CCDC71L: variants seen among roughly 807,000 people sequenced by gnomAD.
CCDC71L encodes the protein coiled-coil domain-containing protein 71L.
CCDC71L carries 6 observed loss-of-function variants against 10.2 expected under a neutral mutation model. That is an observed-to-expected ratio of 0.59 (90% CI 0.32 to 1.16). The LOEUF (loss-of-function observed/expected upper bound fraction) is 1.16. CCDC71L is among the 50% of genes most tolerant of loss of function. CCDC71L has a pLI of 0.05. For synonymous variants in CCDC71L, 204 were observed against 175.5 expected (o/e 1.16, Z -1.28); for missense variants, 366 against 383.4 (o/e 0.95, Z 0.38).
rs777033550 is a variant in CCDC71L, at chr7:106,660,565, G to A, written c.332C>T (p.Pro111Leu). 3 of 1,535,296 alleles carry A rather than the reference G, an allele frequency of 2.0e-6. No individual in the cohort carries two copies. Among genetic ancestry groups the A allele is most frequent in the African/African-American group, 1.4e-5 (1 of 70,662 alleles). ...GCCGCGGGCTGTAGGGGGCCCCGGG[G>A]GGTCGGGTACCAGGGCCCGGCAGGA... is the stretch of plus-strand genomic sequence containing the variant. ...YSSCRALVPDPPGPPTARGQA... is the reference protein window; with the variant it reads ...YSSCRALVPDLPGPPTARGQA... Residue 111 changes from proline (P) to leucine (L), a missense_variant, in exon 1 of 1, where the codon CCC becomes CTC. Pro to Leu is a moderately conservative substitution (Grantham distance 98). Transcript: ENST00000523505. This position sits in a 1 kb window ranked among gnomAD's most constrained non-coding sequence, Gnocchi z 7.5.
Position 106,656,232 on chromosome 7 carries a change from G to A in CCDC71L, c.*3957C>T, listed in dbSNP as rs1792487798. Among the ~76,000 whole-genome samples the A allele has an allele frequency of 6.6e-6, 1 of 152,136 alleles. No individual in the cohort carries two copies. The highest frequency in any genetic ancestry group is 2.1e-4 in the South Asian group (1 of 4,826). ...GCTTCCTCCAACTAATAGGAACTTA[G>A]GTACAAAGACAAATTCAGCCCACAC... On this transcript the variant is annotated 3_prime_UTR_variant, in exon 1 of 1. Coordinates refer to ENST00000523505, the MANE Select transcript of CCDC71L (RefSeq NM_175884.6).
At position 106,657,172 on chromosome 7, in the gene CCDC71L, T is replaced by G. The variant is rs1367523783; in HGVS notation, c.*3017A>C. The G allele has an allele frequency of 6.6e-6, 1 of 152,196 alleles. No homozygotes were observed. Among genetic ancestry groups the G allele is most frequent in the Non-Finnish European group, 1.5e-5 (1 of 68,036 alleles). 9.4% of individuals were successfully genotyped at this position (152,196 alleles called of 1,614,324 possible). ...ACACTTGTCAATATTCAAACTTGAA[T>G]AAAATAAACACACATCACAACAGCG... On this transcript the variant is annotated 3_prime_UTR_variant, in exon 1 of 1. Transcript: ENST00000523505.
rs994309328 is a variant in CCDC71L, at chr7:106,660,117, C to T, written c.*72G>A. ...CGGATCTGTAAACACTCGACTGACA[C>T]TTGTTCATTCCTCCGGGCGGAAGGC... On this transcript the variant is annotated 3_prime_UTR_variant, in exon 1 of 1. Transcript: ENST00000523505. The surrounding 1 kb of genome is among the most constrained non-coding windows in gnomAD (Gnocchi z 7.5). 1 of 1,430,862 alleles carries T rather than the reference C, an allele frequency of 7.0e-7. No homozygotes were observed. Among genetic ancestry groups the T allele is most frequent in the Non-Finnish European group, 9.1e-7 (1 of 1,100,716 alleles). The allele number at this position is 1,430,862 out of a possible 1,614,324, so 88.6% of individuals were successfully genotyped here.
chr7:106,658,640 C>T lies in CCDC71L; in HGVS notation c.*1549G>A, dbSNP rs537906338. 6.5e-6 allele frequency: 1 copy of T among 152,720 alleles called. No homozygotes were observed. The highest frequency in any genetic ancestry group is 1.9e-4 in the East Asian group (1 of 5,186). The allele number at this position is 152,720 out of a possible 1,614,324, so 9.5% of individuals were successfully genotyped here. A position where few individuals can be genotyped will look rare whatever the true frequency, so the allele number is the denominator to read the frequency against. Reference sequence around the variant, plus strand: ...ATTTGAAATAATAGTGGTACAAAAACACTACTTGACCCTTTAGGTATTGCA... The same window carrying T: ...ATTTGAAATAATAGTGGTACAAAAATACTACTTGACCCTTTAGGTATTGCA... On this transcript the variant is annotated 3_prime_UTR_variant, in exon 1 of 1. Coordinates refer to ENST00000523505, the MANE Select transcript of CCDC71L (RefSeq NM_175884.6).
rs1036956286 is a variant in CCDC71L, at chr7:106,659,110, CTGTT to C, written c.*1075_*1078del. The C allele has an allele frequency of 7.9e-5, 12 of 152,112 alleles. No homozygotes were observed. Among genetic ancestry groups the C allele is most frequent in the African/African-American group, 2.2e-4 (9 of 41,392 alleles). The allele number at this position is 152,112 out of a possible 1,614,324, so 9.4% of individuals were successfully genotyped here. On this transcript the variant is annotated 3_prime_UTR_variant, in exon 1 of 1. Coordinates refer to ENST00000523505, the MANE Select transcript of CCDC71L (RefSeq NM_175884.6). ...AGTTCTAAGAATTCTAATGGGTATT[CTGTT>C]TATCATTTTAGTGATAATGTTTACA...
At position 106,660,963 on chromosome 7, in the gene CCDC71L, T is replaced by C. The variant is rs1200474652; in HGVS notation, c.-67A>G. 2 of 1,295,774 alleles carry C rather than the reference T, an allele frequency of 1.5e-6. No homozygotes were observed. Among genetic ancestry groups the C allele is most frequent in the Non-Finnish European group, 2.0e-6 (2 of 1,023,864 alleles). The allele number at this position is 1,295,774 out of a possible 1,614,324, so 80.3% of individuals were successfully genotyped here. A position where few individuals can be genotyped will look rare whatever the true frequency, so the allele number is the denominator to read the frequency against. On this transcript the variant is annotated 5_prime_UTR_variant, in exon 1 of 1. Coordinates refer to ENST00000523505, the MANE Select transcript of CCDC71L (RefSeq NM_175884.6). The surrounding 1 kb of genome is among the most constrained non-coding windows in gnomAD (Gnocchi z 7.5). ...ACTGCCGCCGCCGTCCCAGTCCGCG[T>C]TGGCTCCGCGGCGGCGGCTGCTGCT...
chr7:106,661,041 G>A lies in CCDC71L; in HGVS notation c.-145C>T. ...CGCCGCCGCCCCTCCCCCTCCGAGGGCGGAGGACGCGGGCGAATATCCTGC... is the reference window on the plus strand; with the variant it reads ...CGCCGCCGCCCCTCCCCCTCCGAGGACGGAGGACGCGGGCGAATATCCTGC... On this transcript the variant is annotated 5_prime_UTR_variant, in exon 1 of 1. Coordinates refer to ENST00000523505, the MANE Select transcript of CCDC71L (RefSeq NM_175884.6). 2 of 1,180,946 alleles carry A rather than the reference G, an allele frequency of 1.7e-6. No individual in the cohort carries two copies. Among genetic ancestry groups the A allele is most frequent in the Non-Finnish European group, 2.2e-6 (2 of 919,312 alleles). The allele number at this position is 1,180,946 out of a possible 1,614,324, so 73.2% of individuals were successfully genotyped here. A position where few individuals can be genotyped will look rare whatever the true frequency, so the allele number is the denominator to read the frequency against.
At position 106,660,223 on chromosome 7, in the gene CCDC71L, A is replaced by G; in HGVS notation, c.674T>C (p.Val225Ala). The change falls in exon 1 of 1, where the codon GTG becomes GCG. Residue 225 changes from valine (V) to alanine (A), a missense_variant. By Grantham distance (64) the Val-to-Ala change is moderately conservative (BLOSUM62 0). Coordinates refer to ENST00000523505, the MANE Select transcript of CCDC71L (RefSeq NM_175884.6). This position sits in a 1 kb window ranked among gnomAD's most constrained non-coding sequence, Gnocchi z 7.5. The part of the protein sequence containing the change: ...QVLRVNLEPM[V>A]RLRRFPVPRA Reference sequence around the variant, plus strand: ...GGGCACCGGGAAGCGGCGGAGCCTCACCATGGGTTCCAGGTTCACTCGCAG... The same window carrying G: ...GGGCACCGGGAAGCGGCGGAGCCTCGCCATGGGTTCCAGGTTCACTCGCAG... The G allele has an allele frequency of 6.3e-7, 1 of 1,576,886 alleles. No homozygotes were observed. Among genetic ancestry groups the G allele is most frequent in the Non-Finnish European group, 8.5e-7 (1 of 1,171,408 alleles).
rs927450545 is a variant in CCDC71L, at chr7:106,657,055, A to G, written c.*3134T>C. ...AAATTGCTCAGATATTTTGTATTCA[A>G]ATATTTTTAAAATTTACTTAAGAGT... On this transcript the variant is annotated 3_prime_UTR_variant, in exon 1 of 1. Transcript: ENST00000523505. 2 of 152,206 alleles carry G rather than the reference A, an allele frequency of 1.3e-5. No homozygotes were observed. The highest frequency in any genetic ancestry group is 2.4e-5 in the African/African-American group (1 of 41,446). 9.4% of individuals were successfully genotyped at this position (152,206 alleles called of 1,614,324 possible).
In CCDC71L at chr7:106,654,868, T is replaced by C. The variant is rs1792465726; in HGVS notation, c.*5321A>G. On this transcript the variant is annotated 3_prime_UTR_variant, in exon 1 of 1. Coordinates refer to ENST00000523505, the MANE Select transcript of CCDC71L (RefSeq NM_175884.6). Reference sequence around the variant, plus strand: ...AACCCTAAGCCACACTCTTTTTTTTTCTGTACTCTTTAAAGAATATGTACT... The same window carrying C: ...AACCCTAAGCCACACTCTTTTTTTTCCTGTACTCTTTAAAGAATATGTACT... Among the ~76,000 whole-genome samples the C allele has an allele frequency of 6.6e-6, 1 of 152,152 alleles. No homozygotes were observed. Among genetic ancestry groups the C allele is most frequent in the South Asian group, 2.1e-4 (1 of 4,828 alleles).
Position 106,660,832 on chromosome 7 carries a change from C to A in CCDC71L, c.65G>T (p.Gly22Val). The change falls in exon 1 of 1, where the codon GGC (glycine) becomes GTC (valine). Residue 22 changes from glycine (G) to valine (V), a missense_variant. Coordinates refer to ENST00000523505, the MANE Select transcript of CCDC71L (RefSeq NM_175884.6). This position sits in a 1 kb window ranked among gnomAD's most constrained non-coding sequence, Gnocchi z 7.5. ...CCCGTCTTCTGCCCTAAAGTCGCCG[C>A]CCCGGGCGGCCGTGGCCGGGGCGAC... Reference protein sequence around the residue: ...RPVAPATAARGGDFRAEDGAG... With the variant: ...RPVAPATAARVGDFRAEDGAG... 6.5e-7 allele frequency: 1 copy of A among 1,527,758 alleles called. No individual in the cohort carries two copies. The highest frequency in any genetic ancestry group is 8.8e-7 in the Non-Finnish European group (1 of 1,138,098). The allele number at this position is 1,527,758 out of a possible 1,614,324, so 94.6% of individuals were successfully genotyped here.
rs1792460560 is a variant in CCDC71L, at chr7:106,654,514, A to C, written c.*5675T>G. On this transcript the variant is annotated 3_prime_UTR_variant, in exon 1 of 1. Coordinates refer to ENST00000523505, the MANE Select transcript of CCDC71L (RefSeq NM_175884.6). ...AATGATCTACAATAATAGTACACAC[A>C]ACAATATAAATGAATCTCACAAACA... is the stretch of plus-strand genomic sequence containing the variant. 6.6e-6 allele frequency among the ~76,000 whole-genome samples: 1 copy of C among 152,202 alleles called. No homozygotes were observed.
In CCDC71L at chr7:106,660,094, G is replaced by A. The variant is rs1337319213; in HGVS notation, c.*95C>T. ...GCATTGGGGGCCGGGGTCCTGGCCG[G>A]ATCTGTAAACACTCGACTGACACTT... On this transcript the variant is annotated 3_prime_UTR_variant, in exon 1 of 1. Coordinates refer to ENST00000523505, the MANE Select transcript of CCDC71L (RefSeq NM_175884.6). This position sits in a 1 kb window ranked among gnomAD's most constrained non-coding sequence, Gnocchi z 7.5. 4 of 1,376,526 alleles carry A rather than the reference G, an allele frequency of 2.9e-6. No homozygotes were observed. Among genetic ancestry groups the A allele is most frequent in the Admixed American group, 3.3e-5 (1 of 30,310 alleles). 85.3% of individuals were successfully genotyped at this position (1,376,526 alleles called of 1,614,324 possible).
Position 106,660,472 on chromosome 7 carries a change from G to A in CCDC71L, c.425C>T (p.Ala142Val), listed in dbSNP as rs1318766847. The A allele has an allele frequency of 2.5e-6, 3 of 1,224,428 alleles. No individual in the cohort carries two copies. The East Asian group carries it at 9.9e-5, about 40-fold the overall frequency. The allele number at this position is 1,224,428 out of a possible 1,614,324, so 75.8% of individuals were successfully genotyped here. A position where few individuals can be genotyped will look rare whatever the true frequency, so the allele number is the denominator to read the frequency against. ...TGGCGGCCGGGGCTTCCTCCTGCGG[G>A]CAGCGGCCGCCCGGGCTCCGCGGCG... ...RRRRGARAAA[A>V]RRRKPRPPPP... The change falls in exon 1 of 1, where the codon GCC becomes GTC. Residue 142 changes from alanine to valine, a missense_variant. Physicochemically the swap from Ala to Val is moderately conservative, Grantham distance 64. Transcript: ENST00000523505. This position sits in a 1 kb window ranked among gnomAD's most constrained non-coding sequence, Gnocchi z 7.5.
At position 106,660,970 on chromosome 7, in the gene CCDC71L, C is replaced by CGCG. The variant is rs1052237789; in HGVS notation, c.-77_-75dup. The CGCG allele has an allele frequency of 3.1e-5, 40 of 1,295,266 alleles. No homozygotes were observed. The highest frequency in any genetic ancestry group is 6.4e-5 in the East Asian group (2 of 31,414). The allele number at this position is 1,295,266 out of a possible 1,614,324, so 80.2% of individuals were successfully genotyped here. ...CCGCCGTCCCAGTCCGCGTTGGCTC[C>CGCG]GCGGCGGCGGCTGCTGCTGGCGTCT... On this transcript the variant is annotated 5_prime_UTR_variant, in exon 1 of 1. Transcript: ENST00000523505. This position sits in a 1 kb window ranked among gnomAD's most constrained non-coding sequence, Gnocchi z 7.5.
In CCDC71L at chr7:106,660,535, G is replaced by T. The variant is rs752632992; in HGVS notation, c.362C>A (p.Ala121Glu). The T allele has an allele frequency of 6.2e-6, 9 of 1,456,530 alleles. No individual in the cohort carries two copies. Among genetic ancestry groups the T allele is most frequent in the African/African-American group, 1.5e-5 (1 of 67,294 alleles). The allele number at this position is 1,456,530 out of a possible 1,614,324, so 90.2% of individuals were successfully genotyped here. The part of the protein sequence containing the change: ...PPGPPTARGQ[A>E]RRPVPRAAAR... ...CGCTGCGCGCGGAACCGGCCGGCGCGCCTGGCCGCGGGCTGTAGGGGGCCC... is the reference window on the plus strand; with the variant it reads ...CGCTGCGCGCGGAACCGGCCGGCGCTCCTGGCCGCGGGCTGTAGGGGGCCC... Residue 121 changes from alanine (A) to glutamate (E), a missense_variant, in exon 1 of 1, where the codon GCG becomes GAG. Physicochemically the swap from Ala to Glu is moderately radical, Grantham distance 107 (BLOSUM62 -1). Transcript: ENST00000523505. This position sits in a 1 kb window ranked among gnomAD's most constrained non-coding sequence, Gnocchi z 7.5.
chr7:106,655,064 GTTT>G lies in CCDC71L; in HGVS notation c.*5122_*5124del, dbSNP rs1202175482. Among the ~76,000 whole-genome samples, 1 of 151,996 alleles carries G rather than the reference GTTT, an allele frequency of 6.6e-6. No homozygotes were observed. The highest frequency in any genetic ancestry group is 1.5e-5 in the Non-Finnish European group (1 of 67,938). ...TTCTGGGCTAAACATAGTGTTTGGT[GTTT>G]TTATGATTATTACTTTCCAATTGGG... On this transcript the variant is annotated 3_prime_UTR_variant, in exon 1 of 1. Coordinates refer to ENST00000523505, the MANE Select transcript of CCDC71L (RefSeq NM_175884.6).
rs1792548934 is a variant in CCDC71L at position 106,659,444 on chromosome 7, C to T, written c.*745G>A. The T allele has an allele frequency of 6.6e-6, 1 of 152,554 alleles. No individual in the cohort carries two copies. 9.5% of individuals were successfully genotyped at this position (152,554 alleles called of 1,614,324 possible). A position where few individuals can be genotyped will look rare whatever the true frequency, so the allele number is the denominator to read the frequency against. On this transcript the variant is annotated 3_prime_UTR_variant, in exon 1 of 1. Transcript: ENST00000523505. ...AACAAAAGTTTTCATGTGTATTCTA[C>T]CATTTTTAGGAGCTCAGTAAATATA...
Position 106,659,020 on chromosome 7 carries a change from G to A in CCDC71L, c.*1169C>T, listed in dbSNP as rs1792539665. The A allele has an allele frequency of 1.3e-5, 2 of 151,986 alleles. No individual in the cohort carries two copies. Among genetic ancestry groups the A allele is most frequent in the South Asian group, 2.1e-4 (1 of 4,822 alleles). 9.4% of individuals were successfully genotyped at this position (151,986 alleles called of 1,614,324 possible). A position where few individuals can be genotyped will look rare whatever the true frequency, so the allele number is the denominator to read the frequency against. On this transcript the variant is annotated 3_prime_UTR_variant, in exon 1 of 1. Transcript: ENST00000523505. ...CAAAAACAAAAAGGAAATAGATTTCGCCCAAAGTAACCTTAACCAGTTATT... is the reference window on the plus strand; with the variant it reads ...CAAAAACAAAAAGGAAATAGATTTCACCCAAAGTAACCTTAACCAGTTATT...
Sources: gnomAD v4.1 joint callset for allele counts (sites outside exome capture counted in the v4.1 genomes callset) on GRCh38, gnomAD v4.1.1 for gene constraint, Gnocchi (gnomAD v3.1) non-coding constraint, MANE v1.5 for transcripts, NCBI Gene and HGNC (gene_info 2026-07-23, HGNC 2026-07-21) for gene names.